RELN: variants seen among roughly 807,000 people sequenced by gnomAD.
RELN encodes the protein reelin.
RELN carries 108 observed loss-of-function variants against 427.6 expected under a neutral mutation model. The ratio of observed to expected loss-of-function variants is 0.25; its 90% CI spans 0.22 to 0.30. The LOEUF (loss-of-function observed/expected upper bound fraction) is 0.30. RELN is among the 10% of genes least tolerant of loss of function. The pLI is 1.00. For missense variants in RELN, 3,715 were observed against 4,302.8 expected (o/e 0.86, Z 3.82); for synonymous variants, 1,524 against 1,513.4 (o/e 1.01, Z -0.16).
intron 41 of RELN, among the ~76,000 whole-genome samples, chr7:103,548,561 A>G (rs1479989106): frequency 1.3e-5 from 2 of 152,228 alleles, no homozygotes; most frequent in Non-Finnish European, 2.9e-5. Flanking sequence ...GGCAGTTTGA[A>G]ACGTGGGTTT....
intron 3 of RELN, 34 bp from the exon 4 acceptor site, chr7:103,776,661 T>C: frequency 6.2e-7 from 1 of 1,601,072 alleles, no homozygotes; most frequent in African/African-American, 1.3e-5. Flanking sequence ...AATTCAACTC[T>C]TGTAATATGT....
At chr7:103,808,024 C>G (rs1045420632) in intron 3 of RELN, among the ~76,000 whole-genome samples, 2 of 152,102 alleles carry the variant, frequency 1.3e-5, no homozygotes, top group Non-Finnish European at 2.9e-5. Flanking sequence ...AGATCCTCAG[C>G]TTTCTTCCTC....
chr7:103,488,726 G>A (rs563474558), intron 60 of RELN, among the ~76,000 whole-genome samples: 2 of 152,344 alleles, frequency 1.3e-5, no homozygotes, highest in South Asian at 4.1e-4. Context: ...AGAACAACTT[G>A]ACTAGTGGTC....
chr7:103,737,508 G>A lies in RELN; in HGVS notation c.657-9301C>T, dbSNP rs78567286. 8.3e-3 allele frequency among the ~76,000 whole-genome samples: 1,268 copies of A among 152,202 alleles called. 23 individuals are homozygous for A. The highest frequency in any genetic ancestry group is 0.029 in the African/African-American group (1,196 of 41,520). ...CCAAGATACTAATGAACTATAAAGT[G>A]GTTTTACTGCTTGTTTGACTTCTTT... On this transcript the variant is annotated intron_variant, in intron 6 of 64. Coordinates refer to ENST00000428762, the MANE Select transcript of RELN (RefSeq NM_005045.4).
intron 2 of RELN, among the ~76,000 whole-genome samples, chr7:103,863,592 C>T (rs147437942): frequency 6.6e-6 from 1 of 152,166 alleles, no homozygotes; most frequent in Non-Finnish European, 1.5e-5. Flanking sequence ...GGACACTAAC[C>T]CTTAGAGCTT....
At chr7:103,532,429 T>G (rs890013882) in intron 46 of RELN, among the ~76,000 whole-genome samples, 1 of 151,822 alleles carries the variant, frequency 6.6e-6, no homozygotes, top group African/African-American at 2.4e-5. Flanking sequence ...CTACACATCC[T>G]GCACATGGAA....
intron 2 of RELN, among the ~76,000 whole-genome samples, chr7:103,883,630 A>G (rs1347073028): frequency 3.9e-5 from 6 of 152,244 alleles, no homozygotes; most frequent in African/African-American, 1.2e-4. Context: ...GCATTCCTAA[A>G]CACCAATAAA....
chr7:103,871,350 C>G (rs1450294451), intron 2 of RELN, among the ~76,000 whole-genome samples: 5 of 152,044 alleles, frequency 3.3e-5, no homozygotes, highest in Admixed American at 1.3e-4. Flanking sequence ...TGGGGAGCCA[C>G]AGATCACAAA....
chr7:103,786,812 G>A (rs2116253105), intron 3 of RELN, among the ~76,000 whole-genome samples: 1 of 152,172 alleles, frequency 6.6e-6, no homozygotes, highest in Non-Finnish European at 1.5e-5. Flanking sequence ...AAATTTACAA[G>A]GATATTCAGG....
intron 6 of RELN, among the ~76,000 whole-genome samples, chr7:103,736,525 C>T (rs1431180021): frequency 1.3e-5 from 2 of 152,120 alleles, no homozygotes; most frequent in African/African-American, 4.8e-5. Context: ...TTACTTTTCA[C>T]TGAGGAAGGT....
At chr7:103,724,497 C>T (rs1475163633) in intron 7 of RELN, among the ~76,000 whole-genome samples, 1 of 152,174 alleles carries the variant, frequency 6.6e-6, no homozygotes, top group African/African-American at 2.4e-5. Flanking sequence ...AAAGCTACTG[C>T]TAGTGCATTA....
In RELN at chr7:103,686,373, T is replaced by C. The variant is rs947822765; in HGVS notation, c.1144-4112A>G. 2.0e-5 allele frequency among the ~76,000 whole-genome samples: 3 copies of C among 152,140 alleles called. No individual in the cohort carries two copies. In the East Asian group the frequency reaches 5.8e-4, roughly 29 times the overall value. On this transcript the variant is annotated intron_variant, in intron 10 of 64. Transcript: ENST00000428762. ...GCTTTAAAAGGAAGCTAAAACATCA[T>C]TTGTAGGAAAATTGAAAATGCATGG...
chr7:103,922,464 G>A (rs1584370063), intron 1 of RELN, among the ~76,000 whole-genome samples: 1 of 151,906 alleles, frequency 6.6e-6, no homozygotes, highest in East Asian at 1.9e-4. Context: ...AAAATATAAG[G>A]GATCAAAAGG....
In RELN at chr7:103,869,639, T is replaced by C. The variant is rs1198192152; in HGVS notation, c.338-35967A>G. On this transcript the variant is annotated intron_variant, in intron 2 of 64. Coordinates refer to ENST00000428762, the MANE Select transcript of RELN (RefSeq NM_005045.4). ...TACGAAATAAGCACTTTTATTTACG[T>C]GTAAGTTATCTTTCTTCCTCTGGCT... Among the ~76,000 whole-genome samples the C allele has an allele frequency of 2.6e-5, 4 of 152,124 alleles. No individual in the cohort carries two copies. The South Asian group carries it at 8.3e-4, about 31-fold the overall frequency.
At chr7:103,860,254 G>A (rs183983870) in intron 2 of RELN, among the ~76,000 whole-genome samples, 1 of 152,224 alleles carries the variant, frequency 6.6e-6, no homozygotes, top group East Asian at 1.9e-4. Context: ...TGAATTCTGT[G>A]AGGCAAATAT....
chr7:103,557,911 AG>A, intron 37 of RELN, 53 bp downstream of exon 37: 1 of 848,970 alleles, frequency 1.2e-6, no homozygotes. Flanking sequence ...TTTGTGGAAA[AG>A]GAATTGCACA....
chr7:103,511,797 T>C (rs1829426353), intron 50 of RELN, among the ~76,000 whole-genome samples: 1 of 152,106 alleles, frequency 6.6e-6, no homozygotes, highest in Non-Finnish European at 1.5e-5. Context: ...TGATTTGTGA[T>C]TGTGCCACTG....
At chr7:103,858,124 T>C (rs1438716559) in intron 2 of RELN, among the ~76,000 whole-genome samples, 1 of 152,130 alleles carries the variant, frequency 6.6e-6, no homozygotes, top group Non-Finnish European at 1.5e-5. Context: ...CAGGACGCAG[T>C]GTAGTGTAAT....
At chr7:103,496,484 T>C in intron 56 of RELN, 42 bp downstream of exon 56, 1 of 1,613,740 alleles carries the variant, frequency 6.2e-7, no homozygotes, top group Non-Finnish European at 8.5e-7. Context: ...AGCAGAAAAA[T>C]GGCTCACAGG....
Sources: gnomAD v4.1 joint callset for allele counts (sites outside exome capture counted in the v4.1 genomes callset) on GRCh38, gnomAD v4.1.1 for gene constraint, MANE v1.5 for transcripts, NCBI Gene and HGNC (gene_info 2026-07-23, HGNC 2026-07-21) for gene names.